LIN7A: variants seen among roughly 807,000 people sequenced by gnomAD.
The protein encoded by LIN7A is protein lin-7 homolog A.
Under a neutral mutation model 29.8 loss-of-function variants are expected in LIN7A, and 25 were observed. The observed-to-expected ratio is 0.84, with a 90% CI of 0.61 to 1.17. The LOEUF (loss-of-function observed/expected upper bound fraction) is 1.17, where lower values mean the gene tolerates loss of function less well. Ranked by LOEUF, LIN7A falls within the 50% of genes most tolerant of loss-of-function variation. LIN7A has a pLI of 0.00. For synonymous variants in LIN7A, 118 were observed against 107.5 expected, an observed-to-expected ratio of 1.10 and a Z score of -0.60; for missense variants, 239 against 287.0, an observed-to-expected ratio of 0.83 and a Z score of 1.21.
chr12:80,894,088 G>A (rs1480803299), intron 1 of LIN7A, among the ~76,000 whole-genome samples: 1 of 152,178 alleles, frequency 6.6e-6, no homozygotes, highest in Non-Finnish European at 1.5e-5. Context: ...GTTCCAGAAG[G>A]AAGCAAAAGA....
intron 2 of LIN7A, among the ~76,000 whole-genome samples, chr12:80,863,788 T>A (rs1328357493): frequency 6.6e-6 from 1 of 152,152 alleles, no homozygotes; most frequent in African/African-American, 2.4e-5. Context: ...CTATACCCCA[T>A]CTGGTGGTAT....
At chr12:80,935,729 A>G (rs1878175485) in intron 1 of LIN7A, 1 of 472,842 alleles carries the variant, frequency 2.1e-6, no homozygotes, top group Non-Finnish European at 4.7e-6. Flanking sequence ...GCTGCTGATG[A>G]ATTTTTTCAG....
intron 5 of LIN7A, among the ~76,000 whole-genome samples, chr12:80,808,952 C>A (rs1036768308): frequency 6.6e-6 from 1 of 151,348 alleles, no homozygotes; most frequent in Non-Finnish European, 1.5e-5. Context: ...TCTTTTCCCC[C>A]CTTTTCTGTG....
At chr12:80,807,392 A>G (rs931413671) in intron 5 of LIN7A, among the ~76,000 whole-genome samples, 4 of 152,074 alleles carry the variant, frequency 2.6e-5, no homozygotes, top group Admixed American at 2.6e-4. Flanking sequence ...TTTAATTAAG[A>G]TGGATGGAAC....
intron 2 of LIN7A, among the ~76,000 whole-genome samples, chr12:80,880,795 A>G (rs1388166652): frequency 1.3e-5 from 2 of 152,030 alleles, no homozygotes; most frequent in Non-Finnish European, 2.9e-5. Flanking sequence ...ACAGACACAC[A>G]CACACACATC....
chr12:80,847,214 A>G (rs1033957033), intron 3 of LIN7A, among the ~76,000 whole-genome samples: 1 of 152,200 alleles, frequency 6.6e-6, no homozygotes, highest in Non-Finnish European at 1.5e-5. Context: ...CTGCTGTTCT[A>G]CATGAATAAG....
chr12:80,814,995 G>A (rs1028788170), intron 4 of LIN7A, among the ~76,000 whole-genome samples: 1 of 152,140 alleles, frequency 6.6e-6, no homozygotes, highest in African/African-American at 2.4e-5. Context: ...AAGCAGCTAA[G>A]AAGTGAATTT....
chr12:80,880,788 G>C (rs184524802), intron 2 of LIN7A, among the ~76,000 whole-genome samples: 33 of 122,512 alleles, frequency 2.7e-4, no homozygotes, highest in Non-Finnish European at 3.9e-4. Context: ...CACACACACA[G>C]ACACACACAC....
intron 4 of LIN7A, among the ~76,000 whole-genome samples, chr12:80,833,678 A>T (rs1872480408): frequency 6.6e-6 from 1 of 152,160 alleles, no homozygotes; most frequent in Non-Finnish European, 1.5e-5. Flanking sequence ...TTAGCTACAA[A>T]CATGTTGTTT....
At chr12:80,809,946 A>G (rs1871209158) in intron 5 of LIN7A, among the ~76,000 whole-genome samples, 1 of 152,236 alleles carries the variant, frequency 6.6e-6, no homozygotes, top group South Asian at 2.1e-4. Flanking sequence ...CAATGCATGT[A>G]TACATTGTGG....
intron 5 of LIN7A, among the ~76,000 whole-genome samples, chr12:80,801,959 C>T (rs934641096): frequency 6.7e-6 from 1 of 149,224 alleles, no homozygotes; most frequent in East Asian, 2.0e-4. Flanking sequence ...TGCAGTGGTG[C>T]GATCTCGGCT....
intron 2 of LIN7A, among the ~76,000 whole-genome samples, chr12:80,877,633 G>A (rs545628388): frequency 1.3e-5 from 2 of 152,204 alleles, no homozygotes; most frequent in South Asian, 4.1e-4. Context: ...GAGGGAAGAA[G>A]AAAGGAAGAG....
At chr12:80,895,037 T>C (rs1437115333) in intron 1 of LIN7A, among the ~76,000 whole-genome samples, 1 of 152,086 alleles carries the variant, frequency 6.6e-6, no homozygotes, top group Non-Finnish European at 1.5e-5. Flanking sequence ...GGATTCAAAA[T>C]AAAATAATAA....
At chr12:80,886,016 A>G (rs1631930) in intron 2 of LIN7A, among the ~76,000 whole-genome samples, 103,007 of 151,570 alleles carry the variant, frequency 0.68, 38,922 homozygotes, top group Non-Finnish European at 0.87. Flanking sequence ...AGTGTGACCT[A>G]TGTCTGTTTT....
At chr12:80,878,507 G>A (rs906208756) in intron 2 of LIN7A, among the ~76,000 whole-genome samples, 4 of 149,356 alleles carry the variant, frequency 2.7e-5, no homozygotes, top group Non-Finnish European at 6.0e-5. Flanking sequence ...CCTTTGCGGT[G>A]AGTGTGACAG....
At chr12:80,812,343 C>T (rs1173581024) in intron 4 of LIN7A, among the ~76,000 whole-genome samples, 1 of 149,292 alleles carries the variant, frequency 6.7e-6, no homozygotes, top group Non-Finnish European at 1.5e-5. Context: ...GAAAGGTGAA[C>T]ATTAATCATT....
intron 1 of LIN7A, among the ~76,000 whole-genome samples, chr12:80,931,905 C>T (rs1877934542): frequency 6.6e-6 from 1 of 152,124 alleles, no homozygotes; most frequent in Non-Finnish European, 1.5e-5. Flanking sequence ...ATCAAAACAC[C>T]AGGGCATACA....
At chr12:80,842,760 C>T (rs1047102938) in intron 4 of LIN7A, among the ~76,000 whole-genome samples, 1 of 152,042 alleles carries the variant, frequency 6.6e-6, no homozygotes, top group African/African-American at 2.4e-5. Flanking sequence ...ATGAACAAGT[C>T]ACTGGGTCAT....
At position 80,797,196 on chromosome 12, in the gene LIN7A, G is replaced by T. The variant is rs1436658132; in HGVS notation, c.*531C>A. ...ATATAAATATAGTATGATACCTTGCGATTTTCAAGAGGAAAACAGGTTGAA... is the reference window on the plus strand; with the variant it reads ...ATATAAATATAGTATGATACCTTGCTATTTTCAAGAGGAAAACAGGTTGAA... On this transcript the variant is annotated 3_prime_UTR_variant, in exon 6 of 6. Transcript: ENST00000552864. The T allele has an allele frequency of 6.6e-6, 1 of 152,140 alleles. No homozygotes were observed. The highest frequency in any genetic ancestry group is 1.5e-5 in the Non-Finnish European group (1 of 68,042). The allele number at this position is 152,140 out of a possible 1,614,324, so 9.4% of individuals were successfully genotyped here.
Sources: gnomAD v4.1 joint callset for allele counts (sites outside exome capture counted in the v4.1 genomes callset) on GRCh38, gnomAD v4.1.1 for gene constraint, MANE v1.5 for transcripts, NCBI Gene and HGNC (gene_info 2026-07-23, HGNC 2026-07-21) for gene names.